The following GCNT1 variants were observed in gnomAD, a reference collection of about 807,000 sequenced individuals.
GCNT1 encodes glucosaminyl (N-acetyl) transferase 1, also known as beta-1,3-galactosyl-O-glycosyl-glycoprotein beta-1,6-N-acetylglucosaminyltransferase.
GCNT1 carries 16 observed loss-of-function variants against 26.2 expected under a neutral mutation model. The ratio of observed to expected loss-of-function variants is 0.61; its 90% confidence interval spans 0.41 to 0.93. GCNT1 has a LOEUF of 0.93. Ranked by LOEUF, GCNT1 falls within the 40% of genes least tolerant of loss-of-function variation. GCNT1 has a pLI of 0.00. For missense variants in GCNT1, 477 were observed against 526.7 expected (o/e 0.91, Z 0.92); for synonymous variants, 183 against 190.8 (o/e 0.96, Z 0.34).
At chr9:76,444,766 C>T (rs1823548476) in intron 1 of GCNT1, among the ~76,000 whole-genome samples, 1 of 152,176 alleles carries the variant, frequency 6.6e-6, no homozygotes, top group African/African-American at 2.4e-5. Flanking sequence ...CCTCTTGGGC[C>T]CTCTGTGTTG....
chr9:76,481,068 A>G (rs906386970), intron 2 of GCNT1, among the ~76,000 whole-genome samples: 1 of 152,092 alleles, frequency 6.6e-6, no homozygotes, highest in Non-Finnish European at 1.5e-5. Flanking sequence ...GTGAAACCCC[A>G]TGTCTACTAA....
intron 2 of GCNT1, among the ~76,000 whole-genome samples, chr9:76,461,101 A>G (rs1478271654): frequency 6.6e-6 from 1 of 151,882 alleles, no homozygotes; most frequent in African/African-American, 2.4e-5. Context: ...GGCCCAGGTG[A>G]CTGCAGAGGA....
chr9:76,397,253 G>T, the GCNT1 span, among the ~76,000 whole-genome samples: 1 of 151,816 alleles, frequency 6.6e-6, no homozygotes, highest in Non-Finnish European at 1.5e-5. Flanking sequence ...TTGTACTCCA[G>T]CCTGAGTGAC....
At chr9:76,411,327 A>AT in the GCNT1 span, among the ~76,000 whole-genome samples, 4 of 150,684 alleles carry the variant, frequency 2.7e-5, no homozygotes, top group African/African-American at 9.8e-5. Context: ...TGTTTTTGAA[A>AT]TTTTTTATTA....
intron 2 of GCNT1, among the ~76,000 whole-genome samples, chr9:76,499,405 G>A (rs1250773119): frequency 3.3e-5 from 5 of 152,198 alleles, no homozygotes; most frequent in African/African-American, 1.2e-4. Flanking sequence ...TGGGATTACA[G>A]GCATGAGCCA....
chr9:76,496,331 C>A lies in GCNT1; in HGVS notation c.-289-4585C>A, dbSNP rs142341398. 3.3e-5 allele frequency among the ~76,000 whole-genome samples: 5 copies of A among 152,344 alleles called. No individual in the cohort carries two copies. In the East Asian group the frequency reaches 5.8e-4, roughly 18 times the overall value. On this transcript the variant is annotated intron_variant, in intron 2 of 3. Coordinates refer to ENST00000376730, the MANE Select transcript of GCNT1 (RefSeq NM_001490.5). ...CTCCTCCATCATTCTCCGCATCCCC[C>A]CTTCAGAGGGATCCGTGCAACCAGC...
chr9:76,401,426 A>G, the GCNT1 span, among the ~76,000 whole-genome samples: 4 of 152,184 alleles, frequency 2.6e-5, no homozygotes, highest in African/African-American at 9.6e-5. Context: ...CCACCATGCC[A>G]TAAAAACAAG....
upstream of GCNT1, among the ~76,000 whole-genome samples, chr9:76,418,322 A>G (rs75413750): frequency 0.024 from 3,633 of 152,288 alleles, 144 homozygotes; most frequent in African/African-American, 0.081. Context: ...ACAGATTGTA[A>G]GTGTTTCTTA....
the GCNT1 span, among the ~76,000 whole-genome samples, chr9:76,397,148 A>G: frequency 1.3e-5 from 2 of 152,156 alleles, no homozygotes; most frequent in African/African-American, 4.8e-5. Flanking sequence ...CAGGCATGGC[A>G]GTGAATGCCA....
At chr9:76,499,771 A>G (rs544995946) in intron 2 of GCNT1, among the ~76,000 whole-genome samples, 8 of 152,286 alleles carry the variant, frequency 5.3e-5, no homozygotes, top group Admixed American at 1.3e-4. Context: ...TGTTATTAAT[A>G]TCTTACATTA....
chr9:76,457,747 T>C (rs189999583), upstream of GCNT1, among the ~76,000 whole-genome samples: 3 of 152,368 alleles, frequency 2.0e-5, no homozygotes, highest in Admixed American at 2.0e-4. Flanking sequence ...AAACTTTTAT[T>C]CCATTTACAT....
upstream of GCNT1, among the ~76,000 whole-genome samples, chr9:76,441,307 G>A (rs916650624): frequency 3.9e-5 from 6 of 151,920 alleles, no homozygotes; most frequent in Admixed American, 3.3e-4. Flanking sequence ...CACCATGCCT[G>A]GCTAATTTTT....
intron 1 of GCNT1, among the ~76,000 whole-genome samples, chr9:76,427,987 CAAAA>C (rs1189969360): frequency 6.6e-6 from 1 of 151,276 alleles, no homozygotes; most frequent in African/African-American, 2.4e-5. Context: ...ATCTCAAAAA[CAAAA>C]CAAACAAACA....
the GCNT1 span, among the ~76,000 whole-genome samples, chr9:76,402,554 T>C: frequency 6.6e-6 from 1 of 152,216 alleles, no homozygotes; most frequent in Non-Finnish European, 1.5e-5. Flanking sequence ...TACAAAATGC[T>C]GAGAAGCTGT....
intron 2 of GCNT1, among the ~76,000 whole-genome samples, chr9:76,482,058 G>T (rs1824437585): frequency 6.6e-6 from 1 of 152,066 alleles, no homozygotes; most frequent in African/African-American, 2.4e-5. Flanking sequence ...CCCTTTGCTA[G>T]GGAGGGAAAC....
At chr9:76,454,538 T>TCCCACCCAAAC (rs1331617395), upstream of GCNT1, among the ~76,000 whole-genome samples, 1 of 146,560 alleles carries the variant, frequency 6.8e-6, no homozygotes, top group Non-Finnish European at 1.5e-5. Context: ...TTGGCTGTGT[T>TCCCACCCAAAC]CCCACCCAAA....
chr9:76,482,432 T>A (rs986598057), intron 2 of GCNT1, among the ~76,000 whole-genome samples: 14 of 150,644 alleles, frequency 9.3e-5, no homozygotes, highest in Non-Finnish European at 1.5e-5. Flanking sequence ...CCATCCTGGC[T>A]AACACGGTGA....
intron 2 of GCNT1, among the ~76,000 whole-genome samples, chr9:76,463,257 A>G (rs1296149929): frequency 6.6e-6 from 1 of 151,202 alleles, no homozygotes; most frequent in Non-Finnish European, 1.5e-5. Context: ...TGGCTACATA[A>G]TTTGTGGGGC....
intron 1 of GCNT1, among the ~76,000 whole-genome samples, chr9:76,443,179 T>C (rs913498545): frequency 1.3e-5 from 2 of 152,152 alleles, no homozygotes; most frequent in African/African-American, 4.8e-5. Flanking sequence ...CTGGCCAACA[T>C]GGTGAAACCC....
Sources: allele counts gnomAD v4.1 joint callset (sites outside exome capture counted in the v4.1 genomes callset), GRCh38; gene constraint gnomAD v4.1.1; transcripts MANE v1.5; gene names NCBI Gene and HGNC (gene_info 2026-07-23, HGNC 2026-07-21).